The following BCKDHA variants were observed in gnomAD, a reference collection of about 807,000 sequenced individuals.
The protein encoded by BCKDHA is 2-oxoisovalerate dehydrogenase subunit alpha, mitochondrial.
In BCKDHA, 43 loss-of-function variants were observed where a neutral mutation model predicts 52.2. The ratio of observed to expected loss-of-function variants is 0.82; its 90% CI spans 0.64 to 1.06. The LOEUF is 1.06. BCKDHA is among the 50% of genes least tolerant of loss of function. BCKDHA has a pLI of 0.00. For synonymous variants in BCKDHA, 234 were observed against 247.9 expected, an observed-to-expected ratio of 0.94 and a Z score of 0.53; for missense variants, 527 against 621.3, an observed-to-expected ratio of 0.85 and a Z score of 1.61.
At chr19:41,406,315 T>TC (rs1023707532) in intron 1 of BCKDHA, among the ~76,000 whole-genome samples, 24 of 152,328 alleles carry the variant, frequency 1.6e-4, no homozygotes, top group African/African-American at 5.1e-4. Context: ...TCTGAAGACT[T>TC]CAGCCTTCGG....
chr19:41,414,651 G>C (rs59991538), intron 4 of BCKDHA, among the ~76,000 whole-genome samples: 4,243 of 152,228 alleles, frequency 0.028, 186 homozygotes, highest in African/African-American at 0.096. Flanking sequence ...TGCAAGATTA[G>C]AGGGGCCCGG....
At position 41,422,727 on chromosome 19, in the gene BCKDHA, G is replaced by A; in HGVS notation, c.952G>A (p.Val318Met). ...NATKEARRRA[V>M]AENQPFLIEA... ...CACAAAGGAGGCCCGACGGCGGGCTGTGGCAGAGAACCAGCCCTTCCTCAT... is the reference window on the plus strand; with the variant it reads ...CACAAAGGAGGCCCGACGGCGGGCTATGGCAGAGAACCAGCCCTTCCTCAT... Residue 318 changes from valine (V) to methionine (M), a missense_variant, in exon 7 of 9, where the codon GTG (valine) becomes ATG (methionine). Transcript: ENST00000269980. 1 of 1,614,048 alleles carries A rather than the reference G, an allele frequency of 6.2e-7. No individual in the cohort carries two copies.
At chr19:41,406,839 G>A (rs980726432) in intron 1 of BCKDHA, among the ~76,000 whole-genome samples, 19 of 152,148 alleles carry the variant, frequency 1.2e-4, no homozygotes, top group Admixed American at 6.5e-5. Flanking sequence ...CAAAGTGCTG[G>A]GATTACAGGC....
chr19:41,421,077 G>A (rs2039359055), intron 5 of BCKDHA, among the ~76,000 whole-genome samples: 1 of 152,232 alleles, frequency 6.6e-6, no homozygotes, highest in Admixed American at 6.5e-5. Flanking sequence ...TCTTAGGTGG[G>A]AGGTGGGCAG....
chr19:41,402,070 T>C (rs909602682), intron 1 of BCKDHA, among the ~76,000 whole-genome samples: 2 of 152,170 alleles, frequency 1.3e-5, no homozygotes, highest in Non-Finnish European at 2.9e-5. Context: ...ACATCTTACA[T>C]GGTGGCAGGC....
chr19:41,422,483 G>T (rs561161412), intron 6 of BCKDHA, 113 bp downstream of exon 6: 1 of 1,570,494 alleles, frequency 6.4e-7, no homozygotes, highest in Non-Finnish European at 8.7e-7. Flanking sequence ...CCTGTGTCCT[G>T]TGGCGTCTGG....
intron 3 of BCKDHA, among the ~76,000 whole-genome samples, chr19:41,411,299 C>A (rs915350349): frequency 3.3e-5 from 5 of 152,140 alleles, no homozygotes; most frequent in African/African-American, 1.2e-4. Flanking sequence ...CTTGGAAATG[C>A]ACAGTCCTGA....
At chr19:41,398,297 C>G (rs927685816) in intron 1 of BCKDHA, among the ~76,000 whole-genome samples, 1 of 152,102 alleles carries the variant, frequency 6.6e-6, no homozygotes. Context: ...GAGAATGAAA[C>G]TGACTTTGTA....
In BCKDHA at chr19:41,419,000, T is replaced by C. The variant is rs1184931498; in HGVS notation, c.485-135T>C. 8 of 1,056,574 alleles carry C rather than the reference T, an allele frequency of 7.6e-6. No homozygotes were observed. The East Asian group carries it at 2.0e-4, about 26-fold the overall frequency. 65.4% of individuals were successfully genotyped at this position (1,056,574 alleles called of 1,614,324 possible). On this transcript the variant is annotated intron_variant, in intron 4 of 8. Coordinates refer to ENST00000269980, the MANE Select transcript of BCKDHA (RefSeq NM_000709.4). Reference sequence around the variant, plus strand: ...GGCCTTGCTGGGCAGAGTCAGTCAGTCTGAACATCAGTCTTCCTCTTAAAA... The same window carrying C: ...GGCCTTGCTGGGCAGAGTCAGTCAGCCTGAACATCAGTCTTCCTCTTAAAA...
At chr19:41,401,916 T>A (rs917394654) in intron 1 of BCKDHA, among the ~76,000 whole-genome samples, 7 of 152,298 alleles carry the variant, frequency 4.6e-5, no homozygotes, top group South Asian at 2.1e-4. Flanking sequence ...ACTCAGTGTA[T>A]GTATTAGTCC....
At position 41,422,796 on chromosome 19, in the gene BCKDHA, C is replaced by T. The variant is rs284653; in HGVS notation, c.995+26C>T. 667,700 of 1,611,234 alleles carry T rather than the reference C, an allele frequency of 0.41. 144,759 individuals are homozygous for T. The highest frequency in any genetic ancestry group is 0.45 in the Non-Finnish European group (527,997 of 1,179,452). ...GTGCCTGCCGCTCCCCCCGTCAGCA[C>T]CCCCACAGCACTGACAGCCACCGTA... On this transcript the variant is annotated intron_variant, in intron 7 of 8. Transcript: ENST00000269980.
At chr19:41,413,695 C>A (rs560145495) in intron 3 of BCKDHA, among the ~76,000 whole-genome samples, 9 of 152,312 alleles carry the variant, frequency 5.9e-5, no homozygotes, top group Admixed American at 4.6e-4. Flanking sequence ...CTCATCTTTC[C>A]CCACCCCTAC....
At chr19:41,424,296 T>C in intron 8 of BCKDHA, 142 bp from the exon 9 acceptor site, 1 of 939,562 alleles carries the variant, frequency 1.1e-6, no homozygotes, top group Non-Finnish European at 1.7e-6. Context: ...TTCATTACAC[T>C]TCTGCTAGGA....
rs750729027 is a variant in BCKDHA at position 41,419,283 on chromosome 19, G to A, written c.633G>A (p.Thr211=). 1.4e-5 allele frequency: 23 copies of A among 1,613,266 alleles called. No individual in the cohort carries two copies. Among genetic ancestry groups the A allele is most frequent in the African/African-American group, 6.7e-5 (5 of 74,890 alleles). Residue 211 remains threonine, a synonymous_variant, in exon 5 of 9, where the codon ACG becomes ACA. Transcript: ENST00000269980. ...TCACTATCTCCTCTCCACTGGCCAC[G>A]CAGATCCCTCAGGGTGAGGATGCAT... ...HFVTISSPLA[T]QIPQAVGAAY...
In BCKDHA at chr19:41,424,691, A is replaced by C. The variant is rs777891172; in HGVS notation, c.*83A>C. ...AAGGGGAGCAGGGGGACCTGACAGC[A>C]CACCACTGTCTTCCCCAGTCAGCTC... On this transcript the variant is annotated 3_prime_UTR_variant, in exon 9 of 9. Transcript: ENST00000269980. 6.9e-7 allele frequency: 1 copy of C among 1,443,502 alleles called. No individual in the cohort carries two copies. The highest frequency in any genetic ancestry group is 9.4e-7 in the Non-Finnish European group (1 of 1,064,918). The allele number at this position is 1,443,502 out of a possible 1,614,324, so 89.4% of individuals were successfully genotyped here. A position where few individuals can be genotyped will look rare whatever the true frequency, so the allele number is the denominator to read the frequency against.
intron 1 of BCKDHA, among the ~76,000 whole-genome samples, chr19:41,401,256 A>G (rs1261492057): frequency 1.3e-5 from 2 of 151,318 alleles, no homozygotes; most frequent in Non-Finnish European, 2.9e-5. Context: ...TTGTATTTTT[A>G]GTAGAGACAG....
At chr19:41,409,043 G>T (rs1599951975) in intron 1 of BCKDHA, among the ~76,000 whole-genome samples, 1 of 152,054 alleles carries the variant, frequency 6.6e-6, no homozygotes, top group South Asian at 2.1e-4. Context: ...TCCGCTTCCC[G>T]GATTCAAGTG....
chr19:41,412,794 C>G (rs530646497), intron 3 of BCKDHA, among the ~76,000 whole-genome samples: 3 of 152,246 alleles, frequency 2.0e-5, no homozygotes, highest in Non-Finnish European at 4.4e-5. Context: ...ACCTCCGCCT[C>G]CCAGGTTCAA....
At chr19:41,423,312 G>C in intron 8 of BCKDHA, 143 bp downstream of exon 8, 2 of 1,320,956 alleles carry the variant, frequency 1.5e-6, no homozygotes, top group South Asian at 2.8e-5. Context: ...CAGGCTGCTG[G>C]GGCCATGTGT....
Sources: gnomAD v4.1 joint callset for allele counts (sites outside exome capture counted in the v4.1 genomes callset) on GRCh38, gnomAD v4.1.1 for gene constraint, MANE v1.5 for transcripts, NCBI Gene and HGNC (gene_info 2026-07-23, HGNC 2026-07-21) for gene names.